Variants in SPOP observed in about 807,000 individuals in gnomAD.
SPOP encodes speckle type BTB/POZ protein.
Under a neutral mutation model 45.6 loss-of-function variants are expected in SPOP, and 11 were observed. That is an observed-to-expected ratio of 0.24 (90% CI 0.15 to 0.40). SPOP has a LOEUF of 0.40. SPOP is among the 10% of genes least tolerant of loss of function. The pLI is 1.00. For missense variants in SPOP, 152 were observed against 465.6 expected (o/e 0.33, Z 6.20); for synonymous variants, 166 against 166.3 (o/e 1.00, Z 0.01).
intron 1 of SPOP, among the ~76,000 whole-genome samples, chr17:49,668,742 T>C (rs1403528928): frequency 1.3e-5 from 2 of 151,882 alleles, no homozygotes; most frequent in Non-Finnish European, 2.9e-5. Context: ...TTGACATATA[T>C]ATAGACATAT....
rs550565120 is a variant in SPOP, at chr17:49,658,645, C to T, written c.-67+19288G>A. On this transcript the variant is annotated intron_variant, in intron 1 of 9. Transcript: ENST00000504102. ...CCTATGCAGAAGATGTTTCCATCGG[C>T]GGTGGCAGGACAGATAGCAATGAGT... Among the ~76,000 whole-genome samples, 23 of 152,292 alleles carry T rather than the reference C, an allele frequency of 1.5e-4. No individual in the cohort carries two copies. In the South Asian group the frequency reaches 2.5e-3, roughly 16 times the overall value.
intron 3 of SPOP, among the ~76,000 whole-genome samples, chr17:49,620,025 T>C (rs1018898721): frequency 6.6e-6 from 1 of 151,730 alleles, no homozygotes; most frequent in Non-Finnish European, 1.5e-5. Context: ...AAAAAACTAG[T>C]TGGGCGTGGT....
intron 1 of SPOP, among the ~76,000 whole-genome samples, chr17:49,657,295 T>C (rs796568771): frequency 8.5e-5 from 13 of 152,296 alleles, no homozygotes; most frequent in African/African-American, 3.1e-4. Flanking sequence ...TAAGGAATAA[T>C]TAGGAAAAAT....
At chr17:49,668,577 C>T (rs2073092953) in intron 1 of SPOP, among the ~76,000 whole-genome samples, 1 of 151,992 alleles carries the variant, frequency 6.6e-6, no homozygotes, top group Admixed American at 6.6e-5. Context: ...TAAGGCTTTG[C>T]TATTTCAGTA....
chr17:49,628,741 T>C (rs1219981851), intron 1 of SPOP, among the ~76,000 whole-genome samples: 1 of 152,160 alleles, frequency 6.6e-6, no homozygotes, highest in African/African-American at 2.4e-5. Context: ...TTCCGATAAG[T>C]GGATATTCAA....
intron 5 of SPOP, among the ~76,000 whole-genome samples, chr17:49,614,215 C>T (rs755352045): frequency 7.9e-5 from 12 of 152,114 alleles, no homozygotes; most frequent in Non-Finnish European, 1.5e-4. Context: ...ACAACAGGAG[C>T]ACTATTTCTA....
At position 49,607,882 on chromosome 17, in the gene SPOP, T is replaced by C; in HGVS notation, c.706A>G (p.Ser236Gly). Reference sequence around the variant, plus strand: ...TTCATCTTGTTACATACCTTTTTGCTCTCCTCCATTTCATGTTCAAACATG... The same window carrying C: ...TTCATCTTGTTACATACCTTTTTGCCCTCCTCCATTTCATGTTCAAACATG... ...SAMFEHEMEE[S>G]KKNRVEINDV... The change falls in exon 7 of 10, where the codon AGC (serine) becomes GGC (glycine). Residue 236 changes from serine to glycine, a missense_variant. Physicochemically the swap from Ser to Gly is moderately conservative, Grantham distance 56 (BLOSUM62 0). Coordinates refer to ENST00000504102, the MANE Select transcript of SPOP (RefSeq NM_001007228.2). 1.2e-6 allele frequency: 2 copies of C among 1,611,774 alleles called. No homozygotes were observed. The highest frequency in any genetic ancestry group is 8.5e-7 in the Non-Finnish European group (1 of 1,178,628).
intron 1 of SPOP, among the ~76,000 whole-genome samples, chr17:49,643,187 C>T (rs2072690817): frequency 6.6e-6 from 1 of 152,186 alleles, no homozygotes; most frequent in African/African-American, 2.4e-5. Flanking sequence ...AAAGGAAGTC[C>T]TACTCAAACG....
chr17:49,626,990 C>T (rs1389021489), intron 1 of SPOP, among the ~76,000 whole-genome samples: 2 of 152,048 alleles, frequency 1.3e-5, no homozygotes, highest in Non-Finnish European at 2.9e-5. Context: ...GCTGGGACTA[C>T]AGGCACCCGC....
chr17:49,677,649 G>C (rs2073219359), intron 1 of SPOP, among the ~76,000 whole-genome samples: 1 of 151,774 alleles, frequency 6.6e-6, no homozygotes, highest in Non-Finnish European at 1.5e-5. Flanking sequence ...GCAGGCGACA[G>C]CTCAGTATTT....
At chr17:49,664,743 A>G (rs753759395) in intron 1 of SPOP, among the ~76,000 whole-genome samples, 4 of 152,106 alleles carry the variant, frequency 2.6e-5, no homozygotes, top group Admixed American at 6.6e-5. Flanking sequence ...AGGAAAATCA[A>G]CCTTTCAACT....
At chr17:49,660,025 C>T (rs545180628) in intron 1 of SPOP, among the ~76,000 whole-genome samples, 1 of 152,224 alleles carries the variant, frequency 6.6e-6, no homozygotes, top group Non-Finnish European at 1.5e-5. Flanking sequence ...TCTCTTCTGC[C>T]ACTAAGTCCC....
intron 1 of SPOP, among the ~76,000 whole-genome samples, chr17:49,632,279 C>T (rs1414826422): frequency 6.6e-6 from 1 of 152,162 alleles, no homozygotes; most frequent in Non-Finnish European, 1.5e-5. Context: ...CATTACAAAA[C>T]TATTTATACC....
intron 1 of SPOP, among the ~76,000 whole-genome samples, chr17:49,642,208 A>G (rs1237701169): frequency 6.6e-6 from 1 of 152,154 alleles, no homozygotes; most frequent in Non-Finnish European, 1.5e-5. Context: ...GTAAAAAGTG[A>G]GCACATTTTA....
intron 8 of SPOP, among the ~76,000 whole-genome samples, chr17:49,603,034 T>C (rs750928561): frequency 6.6e-6 from 1 of 152,188 alleles, no homozygotes; most frequent in Non-Finnish European, 1.5e-5. Context: ...ACAGTCTCCT[T>C]ATAGGCCCCA....
At chr17:49,639,446 G>C (rs2072605723) in intron 1 of SPOP, among the ~76,000 whole-genome samples, 1 of 152,068 alleles carries the variant, frequency 6.6e-6, no homozygotes, top group African/African-American at 2.4e-5. Context: ...CAGCAGCATT[G>C]TTCATTAACA....
At chr17:49,674,920 T>C (rs908795558) in intron 1 of SPOP, among the ~76,000 whole-genome samples, 1 of 152,220 alleles carries the variant, frequency 6.6e-6, no homozygotes, top group African/African-American at 2.4e-5. Context: ...GAGGTATTTA[T>C]ACACAACTCT....
intron 1 of SPOP, 134 bp from the exon 2 acceptor site, chr17:49,623,010 A>AT (rs879417823): frequency 0.12 from 47,536 of 384,208 alleles, 5 homozygotes; most frequent in South Asian, 0.17. Context: ...AGGTCCTAAA[A>AT]TTTTTTTTTT....
chr17:49,668,846 G>A (rs1363694458), intron 1 of SPOP, among the ~76,000 whole-genome samples: 4 of 147,622 alleles, frequency 2.7e-5, no homozygotes, highest in Non-Finnish European at 5.9e-5. Flanking sequence ...GCACGATCTC[G>A]GCTCACTGCA....
Sources: allele counts gnomAD v4.1 joint callset (sites outside exome capture counted in the v4.1 genomes callset), GRCh38; gene constraint gnomAD v4.1.1; transcripts MANE v1.5; gene names NCBI Gene and HGNC (gene_info 2026-07-23, HGNC 2026-07-21).